ITGB3BP: variants seen among roughly 807,000 people sequenced by gnomAD.
ITGB3BP encodes centromere protein R.
In ITGB3BP, 27 loss-of-function variants were observed where a neutral mutation model predicts 29.1. That is an observed-to-expected ratio of 0.93 (90% CI 0.68 to 1.28). The LOEUF (loss-of-function observed/expected upper bound fraction) is 1.28, where lower values mean the gene tolerates loss of function less well. Ranked by LOEUF, ITGB3BP falls within the 50% of genes most tolerant of loss-of-function variation. The pLI is 0.00. For synonymous variants in ITGB3BP, 61 were observed against 61.4 expected (o/e 0.99, Z 0.03); for missense variants, 192 against 200.2 (o/e 0.96, Z 0.25).
intron 2 of ITGB3BP, among the ~76,000 whole-genome samples, chr1:63,500,666 G>A (rs1379708390): frequency 6.6e-6 from 1 of 152,122 alleles, no homozygotes; most frequent in African/African-American, 2.4e-5. Flanking sequence ...TCACATTCAT[G>A]GTTTGGATGA....
intron 2 of ITGB3BP, among the ~76,000 whole-genome samples, chr1:63,501,863 A>G (rs1386239175): frequency 7.2e-6 from 1 of 139,318 alleles, no homozygotes; most frequent in Non-Finnish European, 1.5e-5. Context: ...CCCTGTCTCG[A>G]AAAAAAAAAA....
intron 4 of ITGB3BP, among the ~76,000 whole-genome samples, chr1:63,461,849 A>G (rs984162444): frequency 5.9e-5 from 9 of 152,238 alleles, no homozygotes; most frequent in South Asian, 2.1e-4. Context: ...CGCCAGTGCC[A>G]TACTGTTTTG....
chr1:63,475,914 C>T (rs1305667955), intron 4 of ITGB3BP, among the ~76,000 whole-genome samples: 1 of 147,876 alleles, frequency 6.8e-6, no homozygotes, highest in Non-Finnish European at 1.5e-5. Flanking sequence ...AGGAGAACAG[C>T]TTGAGCCCAG....
intron 7 of ITGB3BP, among the ~76,000 whole-genome samples, chr1:63,447,397 C>T (rs1008000763): frequency 2.0e-5 from 3 of 152,212 alleles, no homozygotes; most frequent in African/African-American, 7.2e-5. Flanking sequence ...AGGCACTGTG[C>T]TAGGCTCTGG....
At chr1:63,473,249 G>A (rs1041592333) in intron 4 of ITGB3BP, among the ~76,000 whole-genome samples, 12 of 148,864 alleles carry the variant, frequency 8.1e-5, no homozygotes, top group Admixed American at 2.0e-4. Context: ...CAACCGCCCC[G>A]TCTGAGAAGT....
chr1:63,495,780 G>A (rs532322164), intron 2 of ITGB3BP, among the ~76,000 whole-genome samples: 4 of 152,156 alleles, frequency 2.6e-5, no homozygotes, highest in African/African-American at 7.2e-5. Context: ...TTTATCTTAG[G>A]CTCCACTCTA....
chr1:63,484,418 T>C (rs1645491693), intron 3 of ITGB3BP, among the ~76,000 whole-genome samples: 1 of 152,158 alleles, frequency 6.6e-6, no homozygotes, highest in African/African-American at 2.4e-5. Flanking sequence ...AATGTAGGTA[T>C]AAATTTTTCC....
At chr1:63,473,379 C>A (rs1399204607) in intron 4 of ITGB3BP, among the ~76,000 whole-genome samples, 1 of 147,968 alleles carries the variant, frequency 6.8e-6, no homozygotes, top group African/African-American at 2.5e-5. Flanking sequence ...CCAGCCGCCC[C>A]GTCCGGGAGG....
At chr1:63,525,747 C>A (rs756392553), upstream of ITGB3BP, 56 of 1,563,194 alleles carry the variant, frequency 3.6e-5, no homozygotes, top group Middle Eastern at 3.5e-4. Context: ...TTCTAAAGAT[C>A]AACTTTACTT....
chr1:63,505,385 A>C (rs1471071364), intron 2 of ITGB3BP, among the ~76,000 whole-genome samples: 1 of 151,830 alleles, frequency 6.6e-6, no homozygotes, highest in Non-Finnish European at 1.5e-5. Context: ...TATTGCATCT[A>C]TTTGATTCTT....
At chr1:63,476,503 A>G (rs981067032) in intron 4 of ITGB3BP, among the ~76,000 whole-genome samples, 1 of 152,256 alleles carries the variant, frequency 6.6e-6, no homozygotes, top group African/African-American at 2.4e-5. Flanking sequence ...TAAATTAAGT[A>G]AACATAGGCA....
At chr1:63,450,045 G>T (rs1644841041) in intron 7 of ITGB3BP, among the ~76,000 whole-genome samples, 2 of 151,818 alleles carry the variant, frequency 1.3e-5, no homozygotes, top group Admixed American at 6.6e-5. Flanking sequence ...TTTTAAATTT[G>T]TCCTGTTGTC....
At chr1:63,452,769 A>G (rs1234140648) in intron 7 of ITGB3BP, among the ~76,000 whole-genome samples, 1 of 151,964 alleles carries the variant, frequency 6.6e-6, no homozygotes, top group Non-Finnish European at 1.5e-5. Context: ...CCCTTCCCAC[A>G]TGAGCTTTGG....
intron 2 of ITGB3BP, among the ~76,000 whole-genome samples, chr1:63,493,262 CA>C (rs1645703796): frequency 6.6e-6 from 1 of 151,826 alleles, no homozygotes; most frequent in Non-Finnish European, 1.5e-5. Flanking sequence ...ACTAAAAATA[CA>C]AAAATTAGCC....
At chr1:63,472,899 C>G (rs1049907021) in intron 4 of ITGB3BP, among the ~76,000 whole-genome samples, 1 of 152,062 alleles carries the variant, frequency 6.6e-6, no homozygotes, top group Non-Finnish European at 1.5e-5. Flanking sequence ...GCCGCCACCC[C>G]GTCTGGGAAG....
intron 7 of ITGB3BP, among the ~76,000 whole-genome samples, chr1:63,453,140 T>C (rs897914939): frequency 2.0e-5 from 3 of 152,204 alleles, no homozygotes; most frequent in Non-Finnish European, 4.4e-5. Context: ...ATAATGACAA[T>C]GATAATACAG....
intron 2 of ITGB3BP, among the ~76,000 whole-genome samples, chr1:63,495,721 G>A (rs1645770180): frequency 6.6e-6 from 1 of 152,028 alleles, no homozygotes; most frequent in Admixed American, 6.6e-5. Context: ...TGCTATTCAA[G>A]CAAAAAAAGT....
At chr1:63,445,705 C>A (rs1644782780) in intron 8 of ITGB3BP, among the ~76,000 whole-genome samples, 1 of 151,744 alleles carries the variant, frequency 6.6e-6, no homozygotes, top group Non-Finnish European at 1.5e-5. Context: ...AGTGATCCTC[C>A]CAACTCAGCC....
At chr1:63,492,635 TACTA>T (rs1054352682) in intron 2 of ITGB3BP, among the ~76,000 whole-genome samples, 41 of 152,142 alleles carry the variant, frequency 2.7e-4, no homozygotes, top group African/African-American at 9.4e-4. Flanking sequence ...AAGACTGAGC[TACTA>T]ACTGAGAAGT....
Sources: allele counts gnomAD v4.1 joint callset (sites outside exome capture counted in the v4.1 genomes callset), GRCh38; gene constraint gnomAD v4.1.1; transcripts MANE v1.5; gene names NCBI Gene and HGNC (gene_info 2026-07-23, HGNC 2026-07-21).